Variants in SCP2 observed in about 807,000 individuals in gnomAD.
The protein encoded by SCP2 is sterol carrier protein 2.
Under a neutral mutation model 71.4 loss-of-function variants are expected in SCP2, and 48 were observed. The observed-to-expected ratio is 0.67, with a 90% CI of 0.53 to 0.86. The LOEUF (loss-of-function observed/expected upper bound fraction) is 0.86, where lower values mean the gene tolerates loss of function less well. Ranked by LOEUF, SCP2 falls within the 40% of genes least tolerant of loss-of-function variation. The pLI is 0.00. For synonymous variants in SCP2, 220 were observed against 218.1 expected, an observed-to-expected ratio of 1.01 and a Z score of -0.08; for missense variants, 560 against 655.6, an observed-to-expected ratio of 0.85 and a Z score of 1.59.
intron 11 of SCP2, among the ~76,000 whole-genome samples, chr1:53,001,655 G>A (rs999100117): frequency 3.3e-5 from 5 of 152,088 alleles, no homozygotes; most frequent in African/African-American, 7.2e-5. Context: ...TATTCCTAGC[G>A]TCCAGGGTCT....
intron 14 of SCP2, among the ~76,000 whole-genome samples, chr1:53,046,330 C>CTTTTTTT (rs749725244): frequency 2.5e-5 from 3 of 120,908 alleles, no homozygotes; most frequent in Non-Finnish European, 3.6e-5. Flanking sequence ...TGGGTATTGT[C>CTTTTTTT]TTTTTTTTTT....
intron 1 of SCP2, among the ~76,000 whole-genome samples, chr1:52,937,570 G>C (rs1653851809): frequency 6.6e-6 from 1 of 152,144 alleles, no homozygotes; most frequent in African/African-American, 2.4e-5. Context: ...AGAAGAATTG[G>C]GATGGGTCAG....
chr1:52,984,958 GC>G (rs1385116476), intron 10 of SCP2, among the ~76,000 whole-genome samples: 1 of 151,500 alleles, frequency 6.6e-6, no homozygotes, highest in Non-Finnish European at 1.5e-5. Context: ...TCCTGCCTCA[GC>G]CTCCCGAGTA....
At chr1:52,994,709 TA>T in intron 11 of SCP2, 1 of 705,064 alleles carries the variant, frequency 1.4e-6, no homozygotes, top group Non-Finnish European at 2.3e-6. Context: ...GCAAAAAAAT[TA>T]AAATAAATTT....
chr1:52,970,997 A>ACCTC (rs1472045945), intron 6 of SCP2, among the ~76,000 whole-genome samples: 1 of 93,626 alleles, frequency 1.1e-5, no homozygotes, highest in Admixed American at 1.3e-4. Context: ...TTTTTTTGAG[A>ACCTC]CAGAGTCTCA....
chr1:53,022,097 G>A (rs750368285), intron 12 of SCP2, among the ~76,000 whole-genome samples: 4 of 152,158 alleles, frequency 2.6e-5, no homozygotes, highest in Non-Finnish European at 5.9e-5. Context: ...GAACGTTTTC[G>A]TCACCTCAAG....
intron 11 of SCP2, among the ~76,000 whole-genome samples, chr1:52,990,728 C>T (rs535964890): frequency 1.0e-3 from 107 of 104,162 alleles, no homozygotes; most frequent in African/African-American, 4.4e-3. Context: ...AGTGAGACTC[C>T]GTCTCAAAAA....
At chr1:52,948,624 C>CAAAAA (rs567151231) in intron 3 of SCP2, among the ~76,000 whole-genome samples, 2 of 49,546 alleles carry the variant, frequency 4.0e-5, no homozygotes, top group African/African-American at 5.8e-5. Context: ...GACTCCATCT[C>CAAAAA]AAAAAAAAAA....
intron 3 of SCP2, among the ~76,000 whole-genome samples, chr1:52,949,660 A>C (rs1256834241): frequency 1.3e-5 from 2 of 152,202 alleles, no homozygotes; most frequent in African/African-American, 4.8e-5. Context: ...GAACAAAGGA[A>C]GGAGGAAGTA....
intron 6 of SCP2, among the ~76,000 whole-genome samples, chr1:52,965,162 C>A (rs1656840553): frequency 6.6e-6 from 1 of 152,164 alleles, no homozygotes; most frequent in African/African-American, 2.4e-5. Context: ...AGACCTCATT[C>A]TAAATTTCAC....
At chr1:52,971,427 C>T (rs1423088549) in intron 6 of SCP2, among the ~76,000 whole-genome samples, 1 of 152,142 alleles carries the variant, frequency 6.6e-6, no homozygotes, top group Non-Finnish European at 1.5e-5. Context: ...TATAAATGTA[C>T]ACTATTTTAG....
chr1:53,028,068 A>G lies in SCP2; in HGVS notation c.1335A>G (p.Glu445=). Residue 445 remains glutamate, a synonymous_variant, in exon 13 of 16, where the codon GAA becomes GAG. Coordinates refer to ENST00000371514, the MANE Select transcript of SCP2 (RefSeq NM_002979.5). ...TTAAGGAGATTGAGAAGAAACTTGA[A>G]GAGGTAAGATTTATGTAAAATATTG... ...LVFKEIEKKL[E]EEGEQFVKKI... 1 of 1,558,322 alleles carries G rather than the reference A, an allele frequency of 6.4e-7. No individual in the cohort carries two copies. Among genetic ancestry groups the G allele is most frequent in the Non-Finnish European group, 8.9e-7 (1 of 1,129,558 alleles).
At chr1:52,943,212 C>G (rs1427869251) in intron 2 of SCP2, among the ~76,000 whole-genome samples, 1 of 150,984 alleles carries the variant, frequency 6.6e-6, no homozygotes, top group Non-Finnish European at 1.5e-5. Flanking sequence ...AAATGGTTCC[C>G]AACATGGTGG....
chr1:53,050,842 C>G lies in SCP2; in HGVS notation c.*138C>G, dbSNP rs1350925318. 1 of 684,200 alleles carries G rather than the reference C, an allele frequency of 1.5e-6. No homozygotes were observed. The highest frequency in any genetic ancestry group is 2.6e-6 in the Non-Finnish European group (1 of 383,640). The allele number at this position is 684,200 out of a possible 1,614,324, so 42.4% of individuals were successfully genotyped here. On this transcript the variant is annotated 3_prime_UTR_variant, in exon 16 of 16. Transcript: ENST00000371514. Reference sequence around the variant, plus strand: ...AGATTTGTTTCTTAATGGGTGTGACCAATCCTGTTTTTCCTATGCTCTGGG... The same window carrying G: ...AGATTTGTTTCTTAATGGGTGTGACGAATCCTGTTTTTCCTATGCTCTGGG...
At chr1:52,988,287 C>T in intron 11 of SCP2, 151 bp downstream of exon 11, 1 of 639,268 alleles carries the variant, frequency 1.6e-6, no homozygotes, top group Non-Finnish European at 2.8e-6. Flanking sequence ...TTTGATGTTC[C>T]ATTAAGTAGA....
intron 1 of SCP2, among the ~76,000 whole-genome samples, chr1:52,928,132 C>A (rs1429981763): frequency 1.3e-5 from 2 of 152,216 alleles, no homozygotes; most frequent in Non-Finnish European, 1.5e-5. Context: ...CCGTTCAGAT[C>A]GGATCTTCTC....
intron 1 of SCP2, among the ~76,000 whole-genome samples, chr1:52,934,698 C>T (rs1653525771): frequency 7.1e-6 from 1 of 141,466 alleles, no homozygotes; most frequent in Admixed American, 7.4e-5. Flanking sequence ...CTGCAAGCTC[C>T]ACCTCCTGGG....
At chr1:52,995,083 G>A (rs1450977385) in intron 11 of SCP2, 4 of 499,792 alleles carry the variant, frequency 8.0e-6, no homozygotes, top group Non-Finnish European at 1.6e-5. Context: ...TGTAGATGTG[G>A]TGCAGGAGGA....
intron 15 of SCP2, chr1:53,048,192 T>G (rs1663959148): frequency 2.3e-6 from 1 of 427,106 alleles, no homozygotes; most frequent in African/African-American, 2.0e-5. Context: ...CAGCCAGAGA[T>G]CCAAGGTGCC....
Sources: allele counts gnomAD v4.1 joint callset (sites outside exome capture counted in the v4.1 genomes callset), GRCh38; gene constraint gnomAD v4.1.1; transcripts MANE v1.5; gene names NCBI Gene and HGNC (gene_info 2026-07-23, HGNC 2026-07-21).